The following DMD variants were observed in gnomAD, a reference collection of about 807,000 sequenced individuals.
The protein encoded by DMD is mutant dystrophin.
DMD carries 63 observed loss-of-function variants against 330.1 expected under a neutral mutation model. The observed-to-expected ratio is 0.19, with a 90% CI of 0.16 to 0.24. The LOEUF is 0.24. Among genes scored for constraint, DMD ranks in the 10% least tolerant of loss-of-function variants. DMD has a pLI of 1.00. For synonymous variants in DMD, 1,223 were observed against 959.8 expected (o/e 1.27, Z -5.07); for missense variants, 3,344 against 2,684.1 (o/e 1.25, Z -5.43).
chrX:32,401,863 T>C (rs1231752314), intron 30 of DMD, among the ~76,000 whole-genome samples: 1 of 112,122 alleles, frequency 8.9e-6, no homozygotes, highest in Non-Finnish European at 1.9e-5. Flanking sequence ...ACATTGAAAA[T>C]AGAAATAACG....
At chrX:33,336,710 T>C (rs766735421) in intron 1 of DMD, among the ~76,000 whole-genome samples, 52 of 111,730 alleles carry the variant, frequency 4.7e-4, no homozygotes, top group South Asian at 1.1e-3. Flanking sequence ...GTCTATTTCA[T>C]TGTGTCCCAC....
At chrX:32,762,923 C>T (rs1489129151) in intron 7 of DMD, among the ~76,000 whole-genome samples, 1 of 111,756 alleles carries the variant, frequency 8.9e-6, no homozygotes, top group Non-Finnish European at 1.9e-5. Context: ...TATTAGGAGG[C>T]TATGGAATAT....
At chrX:32,591,011 T>C (rs1166014586) in intron 13 of DMD, among the ~76,000 whole-genome samples, 1 of 111,655 alleles carries the variant, frequency 9.0e-6, no homozygotes, top group Non-Finnish European at 1.9e-5. Context: ...CCATTCTTTA[T>C]AATTATTTTT....
At chrX:33,004,367 T>G (rs896546424) in intron 2 of DMD, among the ~76,000 whole-genome samples, 2 of 111,519 alleles carry the variant, frequency 1.8e-5, no homozygotes, top group Non-Finnish European at 3.8e-5. Flanking sequence ...ATTCTTCTAA[T>G]GAGCTGTGAC....
chrX:31,855,731 A>T (rs1019683546), intron 48 of DMD, among the ~76,000 whole-genome samples: 48 of 111,315 alleles, frequency 4.3e-4, no homozygotes, highest in African/African-American at 1.4e-3. Context: ...TATTTTTTTA[A>T]AAAAAAACAG....
chrX:32,208,285 C>G (rs1307384861), intron 44 of DMD, among the ~76,000 whole-genome samples: 2 of 111,969 alleles, frequency 1.8e-5, no homozygotes, highest in African/African-American at 3.2e-5. Flanking sequence ...ACGGTTAATC[C>G]TAATTGTTTT....
At chrX:32,731,045 TG>T (rs2067548560) in intron 7 of DMD, among the ~76,000 whole-genome samples, 1 of 111,477 alleles carries the variant, frequency 9.0e-6, no homozygotes, top group African/African-American at 3.3e-5. Context: ...CGCAGCTCAG[TG>T]GGTGCGTGCA....
At chrX:31,190,903 C>T (rs1479488410) in intron 67 of DMD, among the ~76,000 whole-genome samples, 1 of 111,689 alleles carries the variant, frequency 9.0e-6, no homozygotes, top group East Asian at 2.8e-4. Context: ...CAACTATCCT[C>T]TACAACACAG....
At chrX:31,690,191 A>C (rs1490760987) in intron 52 of DMD, among the ~76,000 whole-genome samples, 1 of 111,923 alleles carries the variant, frequency 8.9e-6, no homozygotes, top group African/African-American at 3.3e-5. Flanking sequence ...CAGCCTACAG[A>C]ATGGGAGAAA....
chrX:33,272,683 C>G (rs1402451453), intron 1 of DMD, among the ~76,000 whole-genome samples: 1 of 106,192 alleles, frequency 9.4e-6, no homozygotes, highest in East Asian at 3.0e-4. Flanking sequence ...AAAAAACACA[C>G]ACACACAAGA....
intron 48 of DMD, among the ~76,000 whole-genome samples, chrX:31,844,040 T>C (rs2093366391): frequency 9.0e-6 from 1 of 111,427 alleles, no homozygotes; most frequent in Admixed American, 9.5e-5. Context: ...TTTGTATTTT[T>C]AGTAGAGACG....
intron 43 of DMD, among the ~76,000 whole-genome samples, chrX:32,252,133 C>G (rs1456852224): frequency 3.6e-5 from 4 of 111,667 alleles, no homozygotes; most frequent in Non-Finnish European, 7.5e-5. Context: ...TTGCCACGCT[C>G]TCCCTCTCTC....
At chrX:31,340,387 CTTTA>C (rs1013225628) in intron 61 of DMD, among the ~76,000 whole-genome samples, 4 of 112,135 alleles carry the variant, frequency 3.6e-5, no homozygotes, top group African/African-American at 9.7e-5. Context: ...AAAATGTTAC[CTTTA>C]TTGTTTTTTT....
At chrX:32,365,324 A>G (rs2097850826) in intron 34 of DMD, 125 bp from the exon 35 acceptor site, 3 of 627,571 alleles carry the variant, frequency 4.8e-6, no homozygotes, top group East Asian at 7.1e-5. Context: ...CTATGTATTA[A>G]TGAATCATGA....
chrX:31,721,627 G>GTA (rs2085488516), intron 52 of DMD, among the ~76,000 whole-genome samples: 3 of 92,758 alleles, frequency 3.2e-5, no homozygotes, highest in South Asian at 5.4e-4. Flanking sequence ...CTGTATGTGT[G>GTA]TATATATATA....
At chrX:33,186,438 A>G (rs940464946) in intron 1 of DMD, among the ~76,000 whole-genome samples, 1 of 111,512 alleles carries the variant, frequency 9.0e-6, no homozygotes, top group Admixed American at 9.6e-5. Context: ...TACCATAGGC[A>G]TAGACATACC....
At chrX:31,504,141 T>C (rs1165593441) in intron 56 of DMD, among the ~76,000 whole-genome samples, 2 of 111,310 alleles carry the variant, frequency 1.8e-5, no homozygotes, top group South Asian at 7.6e-4. Context: ...AGTAATATGA[T>C]ATAAACAGCG....
At chrX:32,406,018 C>T (rs765426765) in intron 30 of DMD, among the ~76,000 whole-genome samples, 114 of 110,889 alleles carry the variant, frequency 1.0e-3, no homozygotes, top group East Asian at 1.4e-3. Context: ...GAAGCAATTG[C>T]GAATGGGAGT....
rs60773717 is a variant in DMD, at chrX:32,178,830, G to GGTGTGTGT, written c.6438+38078_6438+38085dup. Among the ~76,000 whole-genome samples, 262 of 99,170 alleles carry GGTGTGTGT rather than the reference G, an allele frequency of 2.6e-3. 1 individual carries two copies. The highest frequency in any genetic ancestry group is 8.7e-3 in the African/African-American group (229 of 26,395). 86.1% of individuals were successfully genotyped at this position (99,170 alleles called of 115,157 possible). On this transcript the variant is annotated intron_variant, in intron 44 of 78. Transcript: ENST00000357033. ...TTTAAGGCTGAAAAATATTCCAGGG[G>GGTGTGTGT]GTGTGTGTGTGTGTGTGTGTGTGTG...
Sources: gnomAD v4.1 joint callset for allele counts (sites outside exome capture counted in the v4.1 genomes callset) on GRCh38, gnomAD v4.1.1 for gene constraint, MANE v1.5 for transcripts, NCBI Gene and HGNC (gene_info 2026-07-23, HGNC 2026-07-21) for gene names.